The following TDRD7 variants were observed in gnomAD, a reference collection of about 807,000 sequenced individuals.
TDRD7 encodes tudor domain-containing protein 7.
A neutral mutation model predicts 109.8 loss-of-function variants in TDRD7; 47 were observed. The ratio of observed to expected loss-of-function variants is 0.43; its 90% CI spans 0.34 to 0.55. TDRD7 has a LOEUF of 0.55. Among genes scored for constraint, TDRD7 ranks in the 20% least tolerant of loss-of-function variants. The pLI is 0.03. For synonymous variants in TDRD7, 424 were observed against 457.3 expected (o/e 0.93, Z 0.93); for missense variants, 1,164 against 1,319.2 (o/e 0.88, Z 1.82).
rs182349259 is a variant in TDRD7 at position 97,422,768 on chromosome 9, T to C, written c.-6-5692T>C. 1.8e-4 allele frequency among the ~76,000 whole-genome samples: 27 copies of C among 152,372 alleles called. No individual in the cohort carries two copies. The East Asian group carries it at 4.8e-3, about 27-fold the overall frequency. On this transcript the variant is annotated intron_variant, in intron 1 of 16. Transcript: ENST00000355295. ...ATTTTTTATTTTGTCAGCTGTCTTT[T>C]TTTCACCTATTGATATGATTGTGTT... is the stretch of plus-strand genomic sequence containing the variant.
At chr9:97,440,558 C>G (rs117706505) in intron 5 of TDRD7, among the ~76,000 whole-genome samples, 213 of 152,272 alleles carry the variant, frequency 1.4e-3, no homozygotes, top group Non-Finnish European at 2.4e-3. Flanking sequence ...TATCCTGGAG[C>G]CTTCTCTTCT....
At chr9:97,431,472 G>A (rs1828103051) in intron 3 of TDRD7, among the ~76,000 whole-genome samples, 1 of 152,114 alleles carries the variant, frequency 6.6e-6, no homozygotes, top group Non-Finnish European at 1.5e-5. Context: ...TATGAATTAT[G>A]TAGTACAGAG....
chr9:97,458,059 A>G (rs1773600767), intron 6 of TDRD7, among the ~76,000 whole-genome samples: 1 of 152,150 alleles, frequency 6.6e-6, no homozygotes, highest in African/African-American at 2.4e-5. Flanking sequence ...GCAAACCACT[A>G]TGGCACATGT....
chr9:97,490,530 A>G (rs1328425215), intron 16 of TDRD7, among the ~76,000 whole-genome samples: 1 of 125,376 alleles, frequency 8.0e-6, no homozygotes, highest in Admixed American at 8.8e-5. Flanking sequence ...TGAATGTGAT[A>G]TGCCTAGATA....
At chr9:97,446,345 C>G (rs1828400583) in intron 6 of TDRD7, among the ~76,000 whole-genome samples, 1 of 152,176 alleles carries the variant, frequency 6.6e-6, no homozygotes. Flanking sequence ...GCCCCAAGAC[C>G]TACTGGTAGG....
At chr9:97,466,908 CTG>C (rs1286614588) in intron 8 of TDRD7, among the ~76,000 whole-genome samples, 1 of 152,124 alleles carries the variant, frequency 6.6e-6, no homozygotes, top group Non-Finnish European at 1.5e-5. Flanking sequence ...GCCCATCAAA[CTG>C]TATTGTAAAC....
At chr9:97,414,757 A>G (rs758889489) in intron 1 of TDRD7, among the ~76,000 whole-genome samples, 7 of 152,248 alleles carry the variant, frequency 4.6e-5, no homozygotes, top group Non-Finnish European at 8.8e-5. Flanking sequence ...GGTATTAATC[A>G]TCTTTTTCCT....
intron 6 of TDRD7, among the ~76,000 whole-genome samples, chr9:97,447,349 A>G (rs895774590): frequency 6.6e-6 from 1 of 152,146 alleles, no homozygotes; most frequent in African/African-American, 2.4e-5. Flanking sequence ...AATTCTACCC[A>G]TGTCATAGGG....
chr9:97,468,565 C>A (rs1424782211), intron 8 of TDRD7, among the ~76,000 whole-genome samples: 1 of 152,172 alleles, frequency 6.6e-6, no homozygotes, highest in Non-Finnish European at 1.5e-5. Flanking sequence ...TTGGAGAAAC[C>A]CCAGCTACTT....
At chr9:97,475,635 G>A (rs977383152) in intron 12 of TDRD7, among the ~76,000 whole-genome samples, 166 bp downstream of exon 12, 4 of 151,994 alleles carry the variant, frequency 2.6e-5, no homozygotes, top group African/African-American at 7.2e-5. Flanking sequence ...AGTTATGGTC[G>A]AAGAAAGTTT....
At chr9:97,432,589 CTG>C (rs1367122003) in intron 4 of TDRD7, among the ~76,000 whole-genome samples, 6 of 152,176 alleles carry the variant, frequency 3.9e-5, no homozygotes. Flanking sequence ...AGACACTCCA[CTG>C]TGCTGCAAAT....
Position 97,441,663 on chromosome 9 carries a change from T to G in TDRD7, c.643T>G (p.Leu215Val), listed in dbSNP as rs765898631. 3 of 1,605,976 alleles carry G rather than the reference T, an allele frequency of 1.9e-6. No homozygotes were observed. The highest frequency in any genetic ancestry group is 4.4e-4 in the Middle Eastern group (2 of 4,594). Reference protein sequence around the residue: ...RTSTKEMSDNLNQTVEKPNVK... With the variant: ...RTSTKEMSDNVNQTVEKPNVK... ...ATTATTTTTTTAATTTAAAGATAAT[T>G]TAAATCAGACTGTTGAAAAACCCAA... The change falls in exon 6 of 17, where the codon TTA becomes GTA. Residue 215 changes from leucine to valine, a missense_variant. This residue lies in a region of TDRD7 where 407 missense variants were observed against 394.0 expected (regional missense o/e 1.03). Coordinates refer to ENST00000355295, the MANE Select transcript of TDRD7 (RefSeq NM_014290.3).
Position 97,445,110 on chromosome 9 carries a change from G to A in TDRD7, c.855+3235G>A, listed in dbSNP as rs550315646. On this transcript the variant is annotated intron_variant, in intron 6 of 16. Transcript: ENST00000355295. ...AGGTATTCCTAGACAACTTGTGAGG[G>A]AAGTGGAAATTGTGCAGAAACTGTC... is the stretch of plus-strand genomic sequence containing the variant. Among the ~76,000 whole-genome samples, 7 of 152,312 alleles carry A rather than the reference G, an allele frequency of 4.6e-5. No individual in the cohort carries two copies. In the South Asian group the frequency reaches 1.4e-3, roughly 32 times the overall value.
chr9:97,482,941 G>C lies in TDRD7; in HGVS notation c.2505G>C (p.Gln835His), dbSNP rs1276201970. 1.9e-6 allele frequency: 3 copies of C among 1,614,076 alleles called. No homozygotes were observed. Among genetic ancestry groups the C allele is most frequent in the Admixed American group, 3.3e-5 (2 of 59,994 alleles). ...ACCCTCATCGCAGTATTAATCGCCA[G>C]ATTACAAATGCAGACTTGTGGAAGC... is the stretch of plus-strand genomic sequence containing the variant. ...FPDPHRSINR[Q>H]ITNADLWKHQ... Residue 835 changes from glutamine (Q) to histidine (H), a missense_variant, in exon 15 of 17, where the codon CAG (glutamine) becomes CAC (histidine). By Grantham distance (24) the Gln-to-His change is conservative. Around this residue, in one of 5 missense-constraint regions of TDRD7, gnomAD observed 233 missense variants for 218.0 expected, o/e 1.07. Coordinates refer to ENST00000355295, the MANE Select transcript of TDRD7 (RefSeq NM_014290.3).
rs1185710681 is a variant in TDRD7 at position 97,480,887 on chromosome 9, A to G, written c.2361A>G (p.Ala787=). The change falls in exon 14 of 17, where the codon GCA becomes GCG. Residue 787 remains alanine, a synonymous_variant. Transcript: ENST00000355295. ...PQSIGMWTPD[A]VLWLRDSVLN... ...CTATTGGCATGTGGACACCAGATGC[A>G]GTGCTGTGGTTAAGAGATTCTGTTT... The G allele has an allele frequency of 5.0e-6, 8 of 1,614,162 alleles. No homozygotes were observed. The highest frequency in any genetic ancestry group is 8.5e-7 in the Non-Finnish European group (1 of 1,179,998).
intron 13 of TDRD7, chr9:97,480,602 G>A (rs1445723842): frequency 1.9e-6 from 1 of 524,450 alleles, no homozygotes; most frequent in African/African-American, 1.9e-5. Flanking sequence ...ATGGAGTGCT[G>A]GGGGTAAGCC....
At chr9:97,470,890 AT>A (rs1409391819) in intron 9 of TDRD7, among the ~76,000 whole-genome samples, 1 of 152,224 alleles carries the variant, frequency 6.6e-6, no homozygotes, top group Admixed American at 6.5e-5. Flanking sequence ...ATAATTTCTT[AT>A]AAAAATTTCA....
At chr9:97,488,560 G>GTTTTTTTTTTTTTTTTTTTTTTTTTTTTT (rs61689126) in intron 16 of TDRD7, among the ~76,000 whole-genome samples, 1 of 140,592 alleles carries the variant, frequency 7.1e-6, no homozygotes. Flanking sequence ...AGATTTAATG[G>GTTTTTTTTTTTTTTTTTTTTTTTTTTTTT]TTTTTTTTTT....
chr9:97,482,760 T>A (rs1829136756), intron 14 of TDRD7, 89 bp from the exon 15 acceptor site: 2 of 1,401,688 alleles, frequency 1.4e-6, no homozygotes, highest in Non-Finnish European at 2.0e-6. Flanking sequence ...GGCAAAATAC[T>A]GTGTTTTAAT....
Sources: allele counts gnomAD v4.1 joint callset (sites outside exome capture counted in the v4.1 genomes callset), GRCh38; gene constraint gnomAD v4.1.1; regional missense constraint gnomAD v4.1.1; transcripts MANE v1.5; gene names NCBI Gene and HGNC (gene_info 2026-07-23, HGNC 2026-07-21).